TXLNB: variants seen among roughly 807,000 people sequenced by gnomAD.
TXLNB encodes beta-taxilin.
A neutral mutation model predicts 57.4 loss-of-function variants in TXLNB; 37 were observed. The observed-to-expected ratio is 0.64, with a 90% confidence interval of 0.50 to 0.85. The LOEUF (loss-of-function observed/expected upper bound fraction) is 0.85, where lower values mean the gene tolerates loss of function less well. TXLNB is among the 40% of genes least tolerant of loss of function. The pLI, the probability that TXLNB is intolerant of heterozygous loss-of-function variation, is 0.00. For synonymous variants in TXLNB, 302 were observed against 309.6 expected, an observed-to-expected ratio of 0.98 and a Z score of 0.26; for missense variants, 848 against 825.6, an observed-to-expected ratio of 1.03 and a Z score of -0.33.
the TXLNB span, among the ~76,000 whole-genome samples, chr6:139,193,990 C>T: frequency 1.3e-5 from 2 of 150,460 alleles, no homozygotes; most frequent in African/African-American, 4.9e-5. Context: ...TACAGGCGCC[C>T]GCCACCACGC....
chr6:139,269,305 T>A (rs925146525), intron 4 of TXLNB: 1 of 152,208 alleles, frequency 6.6e-6, no homozygotes, highest in Non-Finnish European at 1.5e-5. Context: ...CTGATTTAAT[T>A]TTATCTCCTT....
At chr6:139,229,885 A>G in the TXLNB span, among the ~76,000 whole-genome samples, 14 of 152,166 alleles carry the variant, frequency 9.2e-5, no homozygotes, top group Admixed American at 9.2e-4. Flanking sequence ...CCCATCTTCC[A>G]TTGCCCTTGC....
chr6:139,288,817 T>C lies in TXLNB; in HGVS notation c.83A>G (p.Asn28Ser), dbSNP rs1412388097. 1 of 1,614,230 alleles carries C rather than the reference T, an allele frequency of 6.2e-7. No individual in the cohort carries two copies. The highest frequency in any genetic ancestry group is 2.2e-5 in the East Asian group (1 of 44,890). The change falls in exon 2 of 10, where the codon AAT (asparagine) becomes AGT (serine). Residue 28 changes from asparagine (N) to serine (S), a missense_variant. Asn to Ser is a conservative substitution (Grantham distance 46). Coordinates refer to ENST00000358430, the MANE Select transcript of TXLNB (RefSeq NM_153235.4). ...PGDSSSLPSHNGLEKEDGQDS... is the reference protein window; with the variant it reads ...PGDSSSLPSHSGLEKEDGQDS... ...CTGGCCATCTTCCTTCTCCAGGCCA[T>C]TGTGACTGGGTAATGATGAACTGTC...
the TXLNB span, among the ~76,000 whole-genome samples, chr6:139,302,609 C>CAAAA: frequency 3.4e-5 from 4 of 118,124 alleles, no homozygotes; most frequent in Non-Finnish European, 5.5e-5. Context: ...ACTAAAAATA[C>CAAAA]AAAAAAAAAA....
At chr6:139,197,051 G>C in the TXLNB span, among the ~76,000 whole-genome samples, 1 of 152,094 alleles carries the variant, frequency 6.6e-6, no homozygotes, top group African/African-American at 2.4e-5. Flanking sequence ...GGACAGCTTT[G>C]GGGGTGGGGG....
chr6:139,226,629 G>GA, the TXLNB span, among the ~76,000 whole-genome samples: 5 of 152,128 alleles, frequency 3.3e-5, no homozygotes, highest in South Asian at 2.1e-4. Flanking sequence ...GGAAATGAGG[G>GA]AAAAAAACAT....
the TXLNB span, among the ~76,000 whole-genome samples, chr6:139,172,774 C>G: frequency 5.3e-5 from 8 of 152,196 alleles, no homozygotes; most frequent in Admixed American, 4.6e-4. Flanking sequence ...CTTGGGCAAG[C>G]TGCTCAGCTC....
At chr6:139,164,226 C>G in the TXLNB span, among the ~76,000 whole-genome samples, 1 of 152,150 alleles carries the variant, frequency 6.6e-6, no homozygotes, top group African/African-American at 2.4e-5. Flanking sequence ...CTTTCTAGAG[C>G]AGAACTCTGA....
upstream of TXLNB, among the ~76,000 whole-genome samples, chr6:139,295,567 G>A (rs528806772): frequency 6.7e-6 from 1 of 148,644 alleles, no homozygotes; most frequent in Non-Finnish European, 1.5e-5. Flanking sequence ...TAAAACTGTT[G>A]TAGATATTTT....
At chr6:139,193,420 A>G in the TXLNB span, among the ~76,000 whole-genome samples, 8 of 151,532 alleles carry the variant, frequency 5.3e-5, no homozygotes, top group Non-Finnish European at 1.2e-4. Flanking sequence ...ACAAACATCT[A>G]TTTCTTGCTC....
chr6:139,242,855 T>A lies in TXLNB; in HGVS notation c.1726A>T (p.Lys576Ter). The A allele has an allele frequency of 6.2e-7, 1 of 1,614,098 alleles. No homozygotes were observed. The highest frequency in any genetic ancestry group is 8.5e-7 in the Non-Finnish European group (1 of 1,180,020). Residue 576 changes from lysine to a stop codon, truncating the protein, a stop_gained, in exon 10 of 10, where the codon AAG (lysine) becomes TAG (stop). Transcript: ENST00000358430. LOFTEE classifies it low-confidence loss of function (END_TRUNC). Reference sequence around the variant, plus strand: ...AACCCGGCAGGAGAATTACTGGCCTTGGAGGGAGGTTCAGCATCACTGCCT... The same window carrying A: ...AACCCGGCAGGAGAATTACTGGCCTAGGAGGGAGGTTCAGCATCACTGCCT... ...EGGSDAEPPS[K>*]ASNSPAGLGA...
chr6:139,167,242 G>C, the TXLNB span: 1 of 1,613,986 alleles, frequency 6.2e-7, no homozygotes, highest in East Asian at 2.2e-5. Context: ...TGTTCGAACA[G>C]TTCCCACTGG....
At chr6:139,231,268 T>C in the TXLNB span, among the ~76,000 whole-genome samples, 1,379 of 152,308 alleles carry the variant, frequency 9.1e-3, 10 homozygotes, top group Non-Finnish European at 0.014. Flanking sequence ...TTTTAGTTGC[T>C]GAACATTTTG....
the TXLNB span, chr6:139,201,691 A>G: frequency 6.6e-6 from 1 of 152,208 alleles, no homozygotes; most frequent in African/African-American, 2.4e-5. Flanking sequence ...CCGCTGCTGT[A>G]TCAGAGATTC....
intron 3 of TXLNB, among the ~76,000 whole-genome samples, chr6:139,274,209 A>G (rs922524466): frequency 6.6e-6 from 1 of 152,206 alleles, no homozygotes; most frequent in African/African-American, 2.4e-5. Flanking sequence ...TTATTTATTA[A>G]TGAATACAAT....
chr6:139,284,105 A>T (rs1244005771), intron 2 of TXLNB, among the ~76,000 whole-genome samples: 1 of 145,706 alleles, frequency 6.9e-6, no homozygotes, highest in Non-Finnish European at 1.5e-5. Flanking sequence ...CTGCTCTTGC[A>T]CTTACACTAT....
At chr6:139,258,370 C>T (rs550279722) in intron 6 of TXLNB, among the ~76,000 whole-genome samples, 6 of 152,280 alleles carry the variant, frequency 3.9e-5, no homozygotes, top group African/African-American at 1.4e-4. Context: ...CTATGGGAAG[C>T]ATATTTTACC....
At chr6:139,221,207 A>C in the TXLNB span, among the ~76,000 whole-genome samples, 1 of 152,220 alleles carries the variant, frequency 6.6e-6, no homozygotes, top group Non-Finnish European at 1.5e-5. Context: ...CCACAGTTTC[A>C]TGGGGCATCA....
chr6:139,306,396 G>A, the TXLNB span, among the ~76,000 whole-genome samples: 39 of 152,274 alleles, frequency 2.6e-4, no homozygotes, highest in African/African-American at 8.4e-4. Context: ...CTTCTGGGAC[G>A]CTCCAGAGAC....
Sources: gnomAD v4.1 joint callset for allele counts (sites outside exome capture counted in the v4.1 genomes callset) on GRCh38, gnomAD v4.1.1 for gene constraint, MANE v1.5 for transcripts, NCBI Gene and HGNC (gene_info 2026-07-23, HGNC 2026-07-21) for gene names.